Variants in CDK1 observed in about 807,000 individuals in gnomAD.
CDK1 encodes cyclin-dependent kinase 1.
Under a neutral mutation model 34.6 loss-of-function variants are expected in CDK1, and 5 were observed. That is an observed-to-expected ratio of 0.14 (90% CI 0.08 to 0.30). The LOEUF (loss-of-function observed/expected upper bound fraction) is 0.30, where lower values mean the gene tolerates loss of function less well. Ranked by LOEUF, CDK1 falls within the 10% of genes least tolerant of loss-of-function variation. CDK1 has a pLI of 1.00. For synonymous variants in CDK1, 108 were observed against 114.7 expected (o/e 0.94, Z 0.37); for missense variants, 157 against 345.7 (o/e 0.45, Z 4.33).
In CDK1 at chr10:60,792,072, G is replaced by A; in HGVS notation, c.653+19G>A. The A allele has an allele frequency of 6.2e-7, 1 of 1,604,106 alleles. No homozygotes were observed. Among genetic ancestry groups the A allele is most frequent in the South Asian group, 1.1e-5 (1 of 90,156 alleles). On this transcript the variant is annotated intron_variant, in intron 6 of 7. Coordinates refer to ENST00000395284, the MANE Select transcript of CDK1 (RefSeq NM_001786.5). ...TTTTCAGGTAGCTATTAAAAACTGA[G>A]ATAATAAAGGTAACATATATGTAAC...
rs1161752517 is a variant in CDK1 at position 60,778,553 on chromosome 10, C to A, written c.-43C>A. 6.6e-6 allele frequency: 1 copy of A among 152,514 alleles called. No homozygotes were observed. The highest frequency in any genetic ancestry group is 1.5e-5 in the Non-Finnish European group (1 of 68,202). 9.4% of individuals were successfully genotyped at this position (152,514 alleles called of 1,614,324 possible). ...TTGTTGTAGCTGCCGCTGCGGCCGC[C>A]GCGGAATAATAAGCCGGGTACAGTG... On this transcript the variant is annotated 5_prime_UTR_variant, in exon 1 of 8. Coordinates refer to ENST00000395284, the MANE Select transcript of CDK1 (RefSeq NM_001786.5).
At chr10:60,789,403 C>G (rs1234900634) in intron 5 of CDK1, among the ~76,000 whole-genome samples, 6 of 152,120 alleles carry the variant, frequency 3.9e-5, no homozygotes, top group African/African-American at 1.4e-4. Flanking sequence ...TCTACTAAGC[C>G]CTGAATAACC....
At chr10:60,785,006 C>A (rs1047877648) in intron 3 of CDK1, 145 bp downstream of exon 3, 2 of 667,112 alleles carry the variant, frequency 3.0e-6, no homozygotes. Context: ...TTGAGAATGC[C>A]GCACATATGT....
At chr10:60,786,223 G>A (rs2080314660) in intron 4 of CDK1, 1 of 926,658 alleles carries the variant, frequency 1.1e-6, no homozygotes, top group Non-Finnish European at 1.3e-6. Context: ...GTATATAAAA[G>A]TGTCTTATTC....
chr10:60,779,521 G>C (rs751248183), intron 1 of CDK1, among the ~76,000 whole-genome samples: 4 of 152,018 alleles, frequency 2.6e-5, no homozygotes, highest in Non-Finnish European at 5.9e-5. Context: ...GTGCTTAAGT[G>C]ATATTTCCTA....
intron 4 of CDK1, chr10:60,786,085 T>TTAGTGCCTGA: frequency 9.7e-7 from 1 of 1,028,838 alleles, no homozygotes; most frequent in Non-Finnish European, 1.2e-6. Flanking sequence ...AACAAAGTAA[T>TTAGTGCCTGA]GAAAGCCTAG....
chr10:60,779,690 T>C (rs2132060147), intron 1 of CDK1, among the ~76,000 whole-genome samples: 1 of 152,342 alleles, frequency 6.6e-6, no homozygotes, highest in South Asian at 2.1e-4. Context: ...GAACACATTT[T>C]AGTTCTGTCC....
chr10:60,780,820 G>A (rs1481579577), intron 2 of CDK1, among the ~76,000 whole-genome samples: 4 of 151,860 alleles, frequency 2.6e-5, no homozygotes, highest in South Asian at 2.1e-4. Flanking sequence ...CCTGTTCCTC[G>A]ACTCCAGCAG....
chr10:60,778,368 C>A (rs973149777), upstream of CDK1: 1 of 152,312 alleles, frequency 6.6e-6, no homozygotes, highest in Non-Finnish European at 1.5e-5. Context: ...TCTAGCCACC[C>A]GGGAAGGCCT....
Position 60,794,118 on chromosome 10 carries a change from TAAA to T in CDK1, c.*146_*148del, listed in dbSNP as rs1257001455. On this transcript the variant is annotated 3_prime_UTR_variant, in exon 8 of 8. Coordinates refer to ENST00000395284, the MANE Select transcript of CDK1 (RefSeq NM_001786.5). ...GTCTTCTAATTTCAAAAATATAACT[TAAA>T]AATGTAAATATTCTATATGAATTTA... The T allele has an allele frequency of 4.1e-6, 2 of 485,138 alleles. No individual in the cohort carries two copies. Among genetic ancestry groups the T allele is most frequent in the African/African-American group, 4.1e-5 (2 of 48,720 alleles). 30.1% of individuals were successfully genotyped at this position (485,138 alleles called of 1,614,324 possible). A position where few individuals can be genotyped will look rare whatever the true frequency, so the allele number is the denominator to read the frequency against.
intron 4 of CDK1, chr10:60,786,698 T>C (rs1339909391): frequency 1.4e-5 from 3 of 219,216 alleles, no homozygotes; most frequent in African/African-American, 4.7e-5. Context: ...GTAATACTTA[T>C]TGTTTTAGTA....
At chr10:60,782,637 T>C (rs2080282584) in intron 2 of CDK1, among the ~76,000 whole-genome samples, 1 of 152,146 alleles carries the variant, frequency 6.6e-6, no homozygotes, top group Non-Finnish European at 1.5e-5. Flanking sequence ...TTTTCTTTTG[T>C]TTCTTTTTGT....
chr10:60,786,949 G>A (rs1417230282), intron 4 of CDK1: 2 of 983,710 alleles, frequency 2.0e-6, no homozygotes, highest in African/African-American at 1.7e-5. Context: ...ATACATGTCA[G>A]TATTTTTCTG....
rs140037449 is a variant in CDK1, at chr10:60,786,079, A to C, written c.318+292A>C. ...TTGGCTGTCAGATACATGTAAAACA[A>C]AGTAATGAAAGCCTAGGGCAGAGTG... On this transcript the variant is annotated intron_variant, in intron 4 of 7. Coordinates refer to ENST00000395284, the MANE Select transcript of CDK1 (RefSeq NM_001786.5). 109 of 1,032,466 alleles carry C rather than the reference A, an allele frequency of 1.1e-4. 1 individual carries two copies. Among genetic ancestry groups the C allele is most frequent in the Non-Finnish European group, 1.2e-4 (101 of 861,320 alleles). The allele number at this position is 1,032,466 out of a possible 1,614,324, so 64.0% of individuals were successfully genotyped here.
chr10:60,785,682 G>A lies in CDK1; in HGVS notation c.213G>A (p.Met71Ile). The change falls in exon 4 of 8, where the codon ATG (methionine) becomes ATA (isoleucine). Residue 71 changes from methionine (M) to isoleucine (I), a missense_variant. Met to Ile is a conservative substitution (Grantham distance 10). Coordinates refer to ENST00000395284, the MANE Select transcript of CDK1 (RefSeq NM_001786.5). ...TCCCCAGTCTTCAGGATGTGCTTAT[G>A]CAGGATTCCAGGTTATATCTCATCT... ...PNIVSLQDVL[M>I]QDSRLYLIFE... 1.2e-6 allele frequency: 2 copies of A among 1,604,968 alleles called. No individual in the cohort carries two copies. The highest frequency in any genetic ancestry group is 8.5e-7 in the Non-Finnish European group (1 of 1,174,432).
At chr10:60,779,191 C>T (rs2080251109) in intron 1 of CDK1, among the ~76,000 whole-genome samples, 1 of 152,212 alleles carries the variant, frequency 6.6e-6, no homozygotes, top group East Asian at 1.9e-4. Context: ...TAAAAAGATA[C>T]ATCTCTGCTT....
intron 2 of CDK1, among the ~76,000 whole-genome samples, chr10:60,780,460 G>A (rs2080263679): frequency 6.6e-6 from 1 of 152,124 alleles, no homozygotes; most frequent in South Asian, 2.1e-4. Context: ...ACTTATAGTA[G>A]TACTTGTATT....
chr10:60,784,387 T>G (rs1184736996), intron 2 of CDK1, among the ~76,000 whole-genome samples: 1 of 152,156 alleles, frequency 6.6e-6, no homozygotes, highest in African/African-American at 2.4e-5. Flanking sequence ...CTCAGCATTT[T>G]GGGGCGGCGA....
At chr10:60,791,160 A>G (rs2456776) in intron 5 of CDK1, among the ~76,000 whole-genome samples, 113,693 of 151,336 alleles carry the variant, frequency 0.75, 42,895 homozygotes, top group East Asian at 0.84. Context: ...GTTCATGAAC[A>G]TGGGATGTCT....
Sources: allele counts gnomAD v4.1 joint callset (sites outside exome capture counted in the v4.1 genomes callset), GRCh38; gene constraint gnomAD v4.1.1; transcripts MANE v1.5; gene names NCBI Gene and HGNC (gene_info 2026-07-23, HGNC 2026-07-21).